CDH10: variants seen among roughly 807,000 people sequenced by gnomAD.
CDH10 encodes the protein cadherin-10.
Under a neutral mutation model 73.1 loss-of-function variants are expected in CDH10, and 30 were observed. The ratio of observed to expected loss-of-function variants is 0.41; its 90% CI spans 0.31 to 0.56. The LOEUF (loss-of-function observed/expected upper bound fraction) is 0.56, where lower values mean the gene tolerates loss of function less well. CDH10 is among the 20% of genes least tolerant of loss of function. The pLI is 0.27. For synonymous variants in CDH10, 345 were observed against 348.2 expected (o/e 0.99, Z 0.10); for missense variants, 815 against 973.7 (o/e 0.84, Z 2.17).
intron 1 of CDH10, among the ~76,000 whole-genome samples, chr5:24,611,381 A>G (rs533604681): frequency 1.3e-5 from 2 of 152,258 alleles, no homozygotes; most frequent in South Asian, 4.2e-4. Flanking sequence ...CAAGAGTTTG[A>G]GACCAGCCTG....
chr5:24,570,100 T>C (rs1745317732), intron 2 of CDH10, among the ~76,000 whole-genome samples: 1 of 152,130 alleles, frequency 6.6e-6, no homozygotes, highest in Non-Finnish European at 1.5e-5. Context: ...TTTGTTTTTG[T>C]CTGAAATTGG....
At chr5:24,589,400 G>T (rs1190521356) in intron 2 of CDH10, among the ~76,000 whole-genome samples, 1 of 151,906 alleles carries the variant, frequency 6.6e-6, no homozygotes, top group African/African-American at 2.4e-5. Context: ...AAGCCATGAA[G>T]AAATAAAATT....
chr5:24,511,545 C>CAGAG (rs55901211), intron 5 of CDH10, 31 bp from the exon 6 acceptor site: 22,752 of 563,536 alleles, frequency 0.04, 512 homozygotes, highest in Admixed American at 0.064. Context: ...AAGAGAGAGA[C>CAGAG]AGAGAGAGAG....
chr5:24,543,884 A>T (rs1181292784), intron 2 of CDH10, among the ~76,000 whole-genome samples: 1 of 152,184 alleles, frequency 6.6e-6, no homozygotes, highest in Admixed American at 6.5e-5. Flanking sequence ...AAGATTAGAG[A>T]GTAATGCTGG....
intron 2 of CDH10, among the ~76,000 whole-genome samples, chr5:24,546,689 T>G (rs1744356072): frequency 6.6e-6 from 1 of 152,180 alleles, no homozygotes; most frequent in Admixed American, 6.6e-5. Context: ...ACATATAAAC[T>G]CTTAACCTGT....
At chr5:24,601,968 G>A (rs1453853515) in intron 1 of CDH10, among the ~76,000 whole-genome samples, 1 of 151,974 alleles carries the variant, frequency 6.6e-6, no homozygotes, top group Non-Finnish European at 1.5e-5. Context: ...CATGCAGTAG[G>A]TTTTATGACC....
intron 2 of CDH10, among the ~76,000 whole-genome samples, chr5:24,550,907 C>T (rs558856270): frequency 6.6e-6 from 1 of 152,236 alleles, no homozygotes; most frequent in South Asian, 2.1e-4. Flanking sequence ...AAGCCATCAC[C>T]TCAGCTCTCA....
chr5:24,538,225 C>T (rs565338162), intron 2 of CDH10, among the ~76,000 whole-genome samples: 1 of 151,980 alleles, frequency 6.6e-6, no homozygotes, highest in South Asian at 2.1e-4. Flanking sequence ...CAGCGATTAC[C>T]CCACAAATAT....
chr5:24,537,981 A>T (rs1412083147), intron 2 of CDH10, among the ~76,000 whole-genome samples: 4 of 152,088 alleles, frequency 2.6e-5, no homozygotes, highest in Admixed American at 1.3e-4. Flanking sequence ...CAGATATAAG[A>T]TATCAGTCTT....
intron 2 of CDH10, among the ~76,000 whole-genome samples, chr5:24,583,423 T>G (rs1745873153): frequency 6.6e-6 from 1 of 152,150 alleles, no homozygotes. Context: ...ATAAAGTGCA[T>G]GCATCATCAA....
intron 9 of CDH10, among the ~76,000 whole-genome samples, chr5:24,497,010 A>G (rs904125858): frequency 6.6e-6 from 1 of 152,176 alleles, no homozygotes; most frequent in Non-Finnish European, 1.5e-5. Context: ...AGGTGGGTCA[A>G]GATAGGCTAA....
intron 5 of CDH10, 79 bp downstream of exon 5, chr5:24,535,028 TTTTTC>T (rs1743894404): frequency 7.8e-7 from 1 of 1,289,882 alleles, no homozygotes; most frequent in Admixed American, 2.6e-5. Context: ...TGACAATTGC[TTTTTC>T]TTTTCTTTTT....
intron 1 of CDH10, among the ~76,000 whole-genome samples, chr5:24,604,201 T>G (rs1746672304): frequency 6.6e-6 from 1 of 152,084 alleles, no homozygotes; most frequent in South Asian, 2.1e-4. Context: ...AATTTAAAAA[T>G]TAGCCACATG....
chr5:24,613,706 T>C (rs1747032639), intron 1 of CDH10, among the ~76,000 whole-genome samples: 1 of 152,128 alleles, frequency 6.6e-6, no homozygotes, highest in Non-Finnish European at 1.5e-5. Flanking sequence ...CATGAATTAA[T>C]GGTCACTGAA....
chr5:24,586,461 C>T (rs150933954), intron 2 of CDH10, among the ~76,000 whole-genome samples: 3,555 of 60,800 alleles, frequency 0.058, 169 homozygotes, highest in African/African-American at 0.17. Flanking sequence ...TTTTTTGAGA[C>T]GGAGTTTAGC....
In CDH10 at chr5:24,593,559, T is replaced by C. The variant is rs571996991; in HGVS notation, c.-69A>G. On this transcript the variant is annotated 5_prime_UTR_variant, in exon 2 of 12. Coordinates refer to ENST00000264463, the MANE Select transcript of CDH10 (RefSeq NM_006727.5). ...TCCTATTTTACCCAGTTGGTTTTAC[T>C]GTGTTTCAACTGGTTTCCAACATTT... The C allele has an allele frequency of 1.2e-6, 1 of 843,710 alleles. No individual in the cohort carries two copies. The highest frequency in any genetic ancestry group is 1.5e-5 in the South Asian group (1 of 64,752). 52.3% of individuals were successfully genotyped at this position (843,710 alleles called of 1,614,324 possible). A position where few individuals can be genotyped will look rare whatever the true frequency, so the allele number is the denominator to read the frequency against.
At chr5:24,636,046 C>T (rs1343670907) in intron 1 of CDH10, among the ~76,000 whole-genome samples, 1 of 150,068 alleles carries the variant, frequency 6.7e-6, no homozygotes, top group African/African-American at 2.5e-5. Context: ...GGTAAAAATA[C>T]AACACACTCA....
intron 5 of CDH10, among the ~76,000 whole-genome samples, chr5:24,513,745 T>C (rs1272871359): frequency 1.3e-5 from 2 of 152,144 alleles, no homozygotes; most frequent in Non-Finnish European, 2.9e-5. Context: ...TCTCAATTCA[T>C]TACTTTGCTA....
chr5:24,504,506 CTTTTTTTTTTTTTTTTT>C (rs70965605), intron 8 of CDH10, among the ~76,000 whole-genome samples: 6 of 65,164 alleles, frequency 9.2e-5, no homozygotes, highest in Non-Finnish European at 1.2e-4. Context: ...TCCTATTAAT[CTTTTTTTTTTTTTTTTT>C]TTTTTTTTTT....
Sources: gnomAD v4.1 joint callset for allele counts (sites outside exome capture counted in the v4.1 genomes callset) on GRCh38, gnomAD v4.1.1 for gene constraint, MANE v1.5 for transcripts, NCBI Gene and HGNC (gene_info 2026-07-23, HGNC 2026-07-21) for gene names.